Variants in SORCS1 observed in about 807,000 individuals in gnomAD.
SORCS1 encodes VPS10 domain-containing receptor SorCS1.
Under a neutral mutation model 146.1 loss-of-function variants are expected in SORCS1, and 60 were observed. That is an observed-to-expected ratio of 0.41 (90% CI 0.33 to 0.51). The LOEUF (loss-of-function observed/expected upper bound fraction) is 0.51, where lower values mean the gene tolerates loss of function less well. Among genes scored for constraint, SORCS1 ranks in the 20% least tolerant of loss-of-function variants. The pLI, the probability that SORCS1 is intolerant of heterozygous loss-of-function variation, is 0.21. For synonymous variants in SORCS1, 637 were observed against 584.0 expected (o/e 1.09, Z -1.31); for missense variants, 1,352 against 1,487.6 (o/e 0.91, Z 1.50).
intron 4 of SORCS1, among the ~76,000 whole-genome samples, chr10:106,770,150 C>T (rs1278175688): frequency 6.6e-6 from 1 of 152,144 alleles, no homozygotes; most frequent in Non-Finnish European, 1.5e-5. Flanking sequence ...CCTATCAAAG[C>T]CTGTTTTCTG....
intron 2 of SORCS1, among the ~76,000 whole-genome samples, chr10:106,956,252 G>A (rs1954936720): frequency 6.6e-6 from 1 of 152,184 alleles, no homozygotes; most frequent in Non-Finnish European, 1.5e-5. Context: ...AGGTCAGTGA[G>A]ACAGTGCATA....
At chr10:106,620,044 A>G (rs918063396) in intron 20 of SORCS1, 1 of 156,132 alleles carries the variant, frequency 6.4e-6, no homozygotes, top group Non-Finnish European at 1.4e-5. Flanking sequence ...TGACTTCTTC[A>G]CCTCCCTCTC....
chr10:106,622,661 G>C (rs1387557388), intron 19 of SORCS1, among the ~76,000 whole-genome samples: 1 of 152,120 alleles, frequency 6.6e-6, no homozygotes, highest in Non-Finnish European at 1.5e-5. Flanking sequence ...ATAATAAAAG[G>C]GTAACATTTA....
chr10:107,031,356 A>G (rs1958648143), intron 1 of SORCS1, among the ~76,000 whole-genome samples: 2 of 151,820 alleles, frequency 1.3e-5, no homozygotes, highest in Admixed American at 6.6e-5. Context: ...TTTTCTAGCC[A>G]TGGCCCACAA....
intron 1 of SORCS1, among the ~76,000 whole-genome samples, chr10:107,074,206 T>TC (rs1962685235): frequency 6.6e-6 from 1 of 152,164 alleles, no homozygotes; most frequent in African/African-American, 2.4e-5. Context: ...TCTCCTGCAC[T>TC]CCCCCAACAC....
chr10:107,122,886 G>A (rs1322255120), intron 1 of SORCS1, among the ~76,000 whole-genome samples: 1 of 152,124 alleles, frequency 6.6e-6, no homozygotes, highest in Non-Finnish European at 1.5e-5. Flanking sequence ...TGTCATCCTA[G>A]ACATTGTTAG....
At chr10:106,842,156 T>C (rs1949074856) in intron 2 of SORCS1, among the ~76,000 whole-genome samples, 1 of 152,204 alleles carries the variant, frequency 6.6e-6, no homozygotes, top group Non-Finnish European at 1.5e-5. Flanking sequence ...TTTTTATTTG[T>C]AATTCCCTAA....
At chr10:107,175,790 T>C in the SORCS1 span, among the ~76,000 whole-genome samples, 1 of 152,218 alleles carries the variant, frequency 6.6e-6, no homozygotes, top group East Asian at 1.9e-4. Flanking sequence ...AAATACTTTA[T>C]TCATTGCATC....
chr10:107,156,121 A>T lies in SORCS1; in HGVS notation c.558+7848T>A, dbSNP rs546559326. 7.9e-5 allele frequency among the ~76,000 whole-genome samples: 12 copies of T among 152,302 alleles called. No homozygotes were observed. In the South Asian group the frequency reaches 8.3e-4, roughly 11 times the overall value. Reference sequence around the variant, plus strand: ...TGAAGTGAAAGGAAGACCCCCCAAGATATGTCATTCATATAAAGAGCTCCC... The same window carrying T: ...TGAAGTGAAAGGAAGACCCCCCAAGTTATGTCATTCATATAAAGAGCTCCC... On this transcript the variant is annotated intron_variant, in intron 1 of 25. Coordinates refer to ENST00000263054, the MANE Select transcript of SORCS1 (RefSeq NM_052918.5).
Position 107,092,615 on chromosome 10 carries a change from C to T in SORCS1, c.558+71354G>A, listed in dbSNP as rs535820731. Among the ~76,000 whole-genome samples, 33 of 152,294 alleles carry T rather than the reference C, an allele frequency of 2.2e-4. No individual in the cohort carries two copies. The South Asian group carries it at 6.8e-3, about 32-fold the overall frequency. Reference sequence around the variant, plus strand: ...TGAGCTCCCATTCAGGAATCAAACACATACTACAGATTAGCAAAGAACAGG... The same window carrying T: ...TGAGCTCCCATTCAGGAATCAAACATATACTACAGATTAGCAAAGAACAGG... On this transcript the variant is annotated intron_variant, in intron 1 of 25. Coordinates refer to ENST00000263054, the MANE Select transcript of SORCS1 (RefSeq NM_052918.5).
chr10:106,764,110 C>A (rs1175192864), intron 4 of SORCS1, among the ~76,000 whole-genome samples: 2 of 152,002 alleles, frequency 1.3e-5, no homozygotes, highest in African/African-American at 4.8e-5. Flanking sequence ...AGGCGTATAC[C>A]TAAAAAACAA....
At chr10:106,646,901 C>CTA (rs1564813864) in intron 18 of SORCS1, among the ~76,000 whole-genome samples, 6 of 149,296 alleles carry the variant, frequency 4.0e-5, no homozygotes. Context: ...GGGTGTGTGT[C>CTA]TATATATATA....
intron 1 of SORCS1, among the ~76,000 whole-genome samples, chr10:107,137,113 T>C (rs1485516664): frequency 6.6e-6 from 1 of 152,204 alleles, no homozygotes; most frequent in Admixed American, 6.5e-5. Flanking sequence ...GGGTATCCCT[T>C]AATGTAGCTA....
chr10:106,992,821 TC>T (rs1226270978), intron 1 of SORCS1, among the ~76,000 whole-genome samples: 5,160 of 111,308 alleles, frequency 0.046, 665 homozygotes, highest in African/African-American at 0.2. Context: ...TTCCTTTCTT[TC>T]TTTCTTTTTT....
At chr10:106,876,277 G>A (rs59359352) in intron 2 of SORCS1, among the ~76,000 whole-genome samples, 11,290 of 152,086 alleles carry the variant, frequency 0.074, 1,213 homozygotes, top group African/African-American at 0.23. Context: ...ATTATTGTTT[G>A]CTTCAACTTG....
chr10:106,585,870 C>T (rs866825095), intron 24 of SORCS1, among the ~76,000 whole-genome samples: 3 of 152,174 alleles, frequency 2.0e-5, no homozygotes, highest in Admixed American at 6.5e-5. Flanking sequence ...ATTATTCCAA[C>T]CAAAGCATGC....
At chr10:106,769,178 T>C (rs540066190) in intron 4 of SORCS1, among the ~76,000 whole-genome samples, 1 of 152,222 alleles carries the variant, frequency 6.6e-6, no homozygotes, top group South Asian at 2.1e-4. Flanking sequence ...CTGTGAAGGC[T>C]CACTCAGGAA....
chr10:106,902,423 AAAAGAAAT>A (rs1381321486), intron 2 of SORCS1, among the ~76,000 whole-genome samples: 3 of 152,202 alleles, frequency 2.0e-5, no homozygotes, highest in African/African-American at 7.2e-5. Flanking sequence ...TAAGACAAGA[AAAAGAAAT>A]AAATGATTTA....
At chr10:106,772,823 C>G (rs1785498583) in intron 4 of SORCS1, among the ~76,000 whole-genome samples, 2 of 152,140 alleles carry the variant, frequency 1.3e-5, no homozygotes, top group African/African-American at 4.8e-5. Context: ...ATTTAGGCAC[C>G]CAAAATGAAA....
Sources: gnomAD v4.1 joint callset for allele counts (sites outside exome capture counted in the v4.1 genomes callset) on GRCh38, gnomAD v4.1.1 for gene constraint, MANE v1.5 for transcripts, NCBI Gene and HGNC (gene_info 2026-07-23, HGNC 2026-07-21) for gene names.